The following EFCAB5 variants were observed in gnomAD, a reference collection of about 807,000 sequenced individuals.
EFCAB5 encodes the protein EF-hand calcium binding domain 5.
A neutral mutation model predicts 167.9 loss-of-function variants in EFCAB5; 131 were observed. That is an observed-to-expected ratio of 0.78 (90% CI 0.68 to 0.90). The LOEUF is 0.90. Ranked by LOEUF, EFCAB5 falls within the 40% of genes least tolerant of loss-of-function variation. The pLI is 0.00. For synonymous variants in EFCAB5, 574 were observed against 602.8 expected (o/e 0.95, Z 0.70); for missense variants, 1,663 against 1,745.2 (o/e 0.95, Z 0.84).
At chr17:30,079,042 C>G (rs577116388) in intron 15 of EFCAB5, among the ~76,000 whole-genome samples, 1 of 152,376 alleles carries the variant, frequency 6.6e-6, no homozygotes, top group African/African-American at 2.4e-5. Flanking sequence ...TTGCCACCTC[C>G]TCAGAGACTC....
chr17:30,014,966 C>T (rs2068997321), intron 7 of EFCAB5, among the ~76,000 whole-genome samples: 1 of 152,116 alleles, frequency 6.6e-6, no homozygotes, highest in Admixed American at 6.5e-5. Flanking sequence ...TTAGTGCTTC[C>T]TTCAGGAGCT....
At chr17:29,980,261 CTATACCT>C (rs1201049489) in intron 4 of EFCAB5, among the ~76,000 whole-genome samples, 1 of 152,110 alleles carries the variant, frequency 6.6e-6, no homozygotes, top group African/African-American at 2.4e-5. Context: ...CAGTGGTGAG[CTATACCT>C]TATAGGGAAA....
chr17:30,020,860 G>T (rs1332016060), intron 7 of EFCAB5, among the ~76,000 whole-genome samples: 2 of 152,076 alleles, frequency 1.3e-5, no homozygotes, highest in Non-Finnish European at 2.9e-5. Flanking sequence ...ACCCCACTGT[G>T]GTCACTTTTT....
chr17:29,942,385 G>A (rs917573555), intron 2 of EFCAB5, 83 bp downstream of exon 2: 1 of 1,261,594 alleles, frequency 7.9e-7, no homozygotes, highest in Non-Finnish European at 1.1e-6. Flanking sequence ...AAGAAAAGAT[G>A]TGGGTATTCA....
chr17:30,079,775 A>C (rs1442762938), intron 15 of EFCAB5, among the ~76,000 whole-genome samples: 5 of 152,176 alleles, frequency 3.3e-5, no homozygotes, highest in Non-Finnish European at 7.3e-5. Context: ...AAAGGAATCC[A>C]AGTTTTAAAC....
At chr17:29,970,309 T>C (rs1027496646) in intron 4 of EFCAB5, among the ~76,000 whole-genome samples, 1 of 152,170 alleles carries the variant, frequency 6.6e-6, no homozygotes, top group Non-Finnish European at 1.5e-5. Flanking sequence ...CATGCATTCG[T>C]ACCACACTGC....
chr17:30,024,601 A>G (rs1373840893), intron 7 of EFCAB5, among the ~76,000 whole-genome samples: 1 of 152,038 alleles, frequency 6.6e-6, no homozygotes, highest in Non-Finnish European at 1.5e-5. Flanking sequence ...GAAAATGGCC[A>G]TACTGCCCAA....
At chr17:30,091,192 G>A (rs2071188554) in intron 20 of EFCAB5, among the ~76,000 whole-genome samples, 1 of 152,130 alleles carries the variant, frequency 6.6e-6, no homozygotes, top group African/African-American at 2.4e-5. Context: ...AAAGTAAAGT[G>A]GATTATCTAA....
At chr17:30,045,661 C>T (rs2069904875) in intron 8 of EFCAB5, among the ~76,000 whole-genome samples, 1 of 151,734 alleles carries the variant, frequency 6.6e-6, no homozygotes, top group Non-Finnish European at 1.5e-5. Flanking sequence ...CACAGTGGCT[C>T]ACACTTGTGA....
intron 13 of EFCAB5, among the ~76,000 whole-genome samples, chr17:30,058,329 A>T (rs913725957): frequency 2.0e-5 from 3 of 152,236 alleles, no homozygotes; most frequent in African/African-American, 7.2e-5. Flanking sequence ...TACTTGGGTG[A>T]CAGGTAAGTG....
chr17:29,931,747 T>C (rs147109538), intron 1 of EFCAB5, among the ~76,000 whole-genome samples: 20 of 152,294 alleles, frequency 1.3e-4, no homozygotes, highest in African/African-American at 4.6e-4. Flanking sequence ...AGAAGCTGAA[T>C]GAACTCAAAT....
chr17:30,062,166 A>G (rs1025872831), intron 14 of EFCAB5, among the ~76,000 whole-genome samples: 2 of 152,226 alleles, frequency 1.3e-5, no homozygotes, highest in Non-Finnish European at 2.9e-5. Flanking sequence ...AAGATGGCCA[A>G]CTAGAAGCTC....
chr17:30,096,313 C>T (rs932014962), intron 22 of EFCAB5, among the ~76,000 whole-genome samples: 1 of 152,140 alleles, frequency 6.6e-6, no homozygotes, highest in Non-Finnish European at 1.5e-5. Flanking sequence ...AGAGGAACAA[C>T]TAAATACAGT....
At chr17:30,085,486 T>A (rs1426192068) in intron 18 of EFCAB5, among the ~76,000 whole-genome samples, 1 of 152,138 alleles carries the variant, frequency 6.6e-6, no homozygotes, top group Admixed American at 6.5e-5. Flanking sequence ...TTTGGGAGGC[T>A]GAGGCGGGCA....
chr17:29,958,452 T>C (rs773823665), intron 3 of EFCAB5, among the ~76,000 whole-genome samples: 3 of 152,322 alleles, frequency 2.0e-5, no homozygotes, highest in Admixed American at 6.5e-5. Context: ...AGTACATTAA[T>C]TGAATTTTTC....
intron 1 of EFCAB5, among the ~76,000 whole-genome samples, chr17:29,935,147 A>C (rs1255839771): frequency 6.6e-6 from 1 of 152,200 alleles, no homozygotes. Flanking sequence ...AGCTGAGAGC[A>C]ACTGCAGTAT....
chr17:30,058,181 C>A (rs1439452859), intron 13 of EFCAB5, among the ~76,000 whole-genome samples: 1 of 152,050 alleles, frequency 6.6e-6, no homozygotes, highest in East Asian at 1.9e-4. Context: ...TGGATATATG[C>A]AAAGATGTGT....
intron 17 of EFCAB5, 136 bp from the exon 18 acceptor site, chr17:30,082,755 G>A: frequency 1.1e-6 from 1 of 933,416 alleles, no homozygotes; most frequent in Non-Finnish European, 1.5e-6. Context: ...TGCCCTTTGA[G>A]GACTGCTGAA....
chr17:30,026,942 T>A (rs1457733608), intron 7 of EFCAB5, among the ~76,000 whole-genome samples: 3 of 143,382 alleles, frequency 2.1e-5, no homozygotes, highest in Non-Finnish European at 4.5e-5. Context: ...CAGAATGATT[T>A]CCTTGTACCT....
Sources: gnomAD v4.1 joint callset for allele counts (sites outside exome capture counted in the v4.1 genomes callset) on GRCh38, gnomAD v4.1.1 for gene constraint, MANE v1.5 for transcripts, NCBI Gene and HGNC (gene_info 2026-07-23, HGNC 2026-07-21) for gene names.